Variants in GPR39 observed in about 807,000 individuals in gnomAD.
GPR39 encodes the protein G protein-coupled receptor 39.
A neutral mutation model predicts 18.4 loss-of-function variants in GPR39; 23 were observed. That is an observed-to-expected ratio of 1.25 (90% CI 0.90 to 1.77). The LOEUF (loss-of-function observed/expected upper bound fraction) is 1.77. Ranked by LOEUF, GPR39 falls within the 40% of genes most tolerant of loss-of-function variation. The probability of loss-of-function intolerance (pLI) is 0.00; values close to 1 mark genes in which losing one functional copy is unlikely to be tolerated. For synonymous variants in GPR39, 280 were observed against 257.9 expected (o/e 1.09, Z -0.82); for missense variants, 647 against 602.4 (o/e 1.07, Z -0.78).
At chr2:132,577,605 T>C (rs73957934) in intron 1 of GPR39, among the ~76,000 whole-genome samples, 16,608 of 152,212 alleles carry the variant, frequency 0.11, 2,910 homozygotes, top group African/African-American at 0.37. Context: ...ATATATGATT[T>C]GTTGGATTTA....
Position 132,645,934 on chromosome 2 carries a change from G to A in GPR39, c.*328G>A, listed in dbSNP as rs1682045507. The A allele has an allele frequency of 6.3e-6, 5 of 789,262 alleles. No homozygotes were observed. The highest frequency in any genetic ancestry group is 4.1e-5 in the South Asian group (2 of 48,546). 48.9% of individuals were successfully genotyped at this position (789,262 alleles called of 1,614,324 possible). ...GGAACAAAAGAGAACACGGACTCCCGCTCCCTACCCAGAATAAAAGGACAC... is the reference window on the plus strand; with the variant it reads ...GGAACAAAAGAGAACACGGACTCCCACTCCCTACCCAGAATAAAAGGACAC... On this transcript the variant is annotated 3_prime_UTR_variant, in exon 2 of 2. Coordinates refer to ENST00000329321, the MANE Select transcript of GPR39 (RefSeq NM_001508.3).
chr2:132,546,123 G>A (rs1433896521), intron 1 of GPR39, among the ~76,000 whole-genome samples: 1 of 152,226 alleles, frequency 6.6e-6, no homozygotes, highest in African/African-American at 2.4e-5. Context: ...TTGGTTAAGA[G>A]TTGGTGAGTG....
chr2:132,440,388 A>G (rs927562766), intron 1 of GPR39, among the ~76,000 whole-genome samples: 2 of 152,136 alleles, frequency 1.3e-5, no homozygotes, highest in Non-Finnish European at 2.9e-5. Flanking sequence ...CGAACCCTGG[A>G]GCTGGACTGC....
At chr2:132,428,109 A>T (rs1172386029) in intron 1 of GPR39, among the ~76,000 whole-genome samples, 2 of 151,892 alleles carry the variant, frequency 1.3e-5, no homozygotes, top group African/African-American at 2.4e-5. Flanking sequence ...GATGAAAAAA[A>T]CTTCTGTAGG....
chr2:132,424,404 C>T (rs1164976526), intron 1 of GPR39, among the ~76,000 whole-genome samples: 2 of 152,140 alleles, frequency 1.3e-5, no homozygotes, highest in African/African-American at 4.8e-5. Flanking sequence ...CAAGAGTGAG[C>T]CACACTTATC....
intron 1 of GPR39, among the ~76,000 whole-genome samples, chr2:132,419,346 C>T (rs1165676952): frequency 6.6e-6 from 1 of 152,202 alleles, no homozygotes; most frequent in Admixed American, 6.5e-5. Context: ...TCAGAATCAC[C>T]TCAGTGCAGC....
chr2:132,585,420 C>G (rs1001750050), intron 1 of GPR39, among the ~76,000 whole-genome samples: 1 of 152,188 alleles, frequency 6.6e-6, no homozygotes, highest in African/African-American at 2.4e-5. Flanking sequence ...CTTCCACATG[C>G]ATCAGAGTTT....
chr2:132,619,549 T>C (rs2104857973), intron 1 of GPR39, among the ~76,000 whole-genome samples: 1 of 152,256 alleles, frequency 6.6e-6, no homozygotes. Context: ...TTGTGCTTCA[T>C]TTCTATGGGC....
intron 1 of GPR39, among the ~76,000 whole-genome samples, chr2:132,596,882 A>G (rs1246010918): frequency 6.6e-6 from 1 of 152,176 alleles, no homozygotes; most frequent in Non-Finnish European, 1.5e-5. Flanking sequence ...GTTGAGAACC[A>G]TTGCCTGGCT....
Position 132,482,189 on chromosome 2 carries a change from G to A in GPR39, c.856+64291G>A, listed in dbSNP as rs573128317. Among the ~76,000 whole-genome samples, 9 of 152,250 alleles carry A rather than the reference G, an allele frequency of 5.9e-5. No individual in the cohort carries two copies. In the East Asian group the frequency reaches 1.7e-3, roughly 29 times the overall value. On this transcript the variant is annotated intron_variant, in intron 1 of 1. Transcript: ENST00000329321. ...ATTAACTGATTAGATCCAGACCTTAGTATTTGACTTGTTTCTTTTTCTCTG... is the reference window on the plus strand; with the variant it reads ...ATTAACTGATTAGATCCAGACCTTAATATTTGACTTGTTTCTTTTTCTCTG...
At chr2:132,490,193 G>T (rs575346848) in intron 1 of GPR39, among the ~76,000 whole-genome samples, 1 of 152,052 alleles carries the variant, frequency 6.6e-6, no homozygotes, top group East Asian at 1.9e-4. Flanking sequence ...TAGAAGTTTG[G>T]AGGGGCAGGA....
chr2:132,600,645 A>G (rs1301706143), intron 1 of GPR39, among the ~76,000 whole-genome samples: 1 of 152,196 alleles, frequency 6.6e-6, no homozygotes, highest in African/African-American at 2.4e-5. Flanking sequence ...ATAACCTACC[A>G]AGATTGAAAT....
At chr2:132,455,855 G>T (rs190689024) in intron 1 of GPR39, among the ~76,000 whole-genome samples, 14 of 152,066 alleles carry the variant, frequency 9.2e-5, no homozygotes, top group African/African-American at 2.9e-4. Context: ...AGTTTGTTGT[G>T]ATTTCTCTTG....
Position 132,492,138 on chromosome 2 carries a change from CAT to C in GPR39, c.856+74248_856+74249del, listed in dbSNP as rs1181616510. On this transcript the variant is annotated intron_variant, in intron 1 of 1. Transcript: ENST00000329321. ...ATACACACCACATATATATACATACCATATATATACACCACATAAATATATAC... is the reference window on the plus strand; with the variant it reads ...ATACACACCACATATATATACATACCATATATACACCACATAAATATATAC... Among the ~76,000 whole-genome samples the C allele has an allele frequency of 2.7e-5, 4 of 145,532 alleles. No individual in the cohort carries two copies. The Admixed American group carries it at 2.8e-4, about 10-fold the overall frequency.
Position 132,634,041 on chromosome 2 carries a change from GTGA to G in GPR39, c.857-11051_857-11049del, listed in dbSNP as rs950528033. ...GTTGGTGTTGGTGGTAGGGGTGGAG[GTGA>G]TGATGATGGTGGGGGTGGCAGTAGT... On this transcript the variant is annotated intron_variant, in intron 1 of 1. Coordinates refer to ENST00000329321, the MANE Select transcript of GPR39 (RefSeq NM_001508.3). Among the ~76,000 whole-genome samples, 57 of 148,348 alleles carry G rather than the reference GTGA, an allele frequency of 3.8e-4. 1 individual carries two copies. Among genetic ancestry groups the G allele is most frequent in the African/African-American group, 1.4e-3 (52 of 37,994 alleles).
At chr2:132,627,500 A>ATG (rs988111990) in intron 1 of GPR39, among the ~76,000 whole-genome samples, 1 of 152,188 alleles carries the variant, frequency 6.6e-6, no homozygotes, top group African/African-American at 2.4e-5. Context: ...CCGAGTAATG[A>ATG]TGTACAGTCT....
intron 1 of GPR39, among the ~76,000 whole-genome samples, chr2:132,568,326 G>A (rs567838599): frequency 6.6e-5 from 10 of 152,098 alleles, no homozygotes; most frequent in South Asian, 2.1e-4. Context: ...GATGCTTGTC[G>A]CCATTGCAGC....
chr2:132,611,300 T>G (rs1681234999), intron 1 of GPR39, among the ~76,000 whole-genome samples: 1 of 152,204 alleles, frequency 6.6e-6, no homozygotes, highest in African/African-American at 2.4e-5. Flanking sequence ...CGTCTTTTAC[T>G]TGGCTGCCAA....
intron 1 of GPR39, among the ~76,000 whole-genome samples, chr2:132,515,216 C>A (rs1317227135): frequency 6.6e-6 from 1 of 152,172 alleles, no homozygotes; most frequent in Non-Finnish European, 1.5e-5. Context: ...AAGGCCCCTT[C>A]CAGCCTAAGT....
Sources: gnomAD v4.1 joint callset for allele counts (sites outside exome capture counted in the v4.1 genomes callset) on GRCh38, gnomAD v4.1.1 for gene constraint, MANE v1.5 for transcripts, NCBI Gene and HGNC (gene_info 2026-07-23, HGNC 2026-07-21) for gene names.